The following TTLL11 variants were observed in gnomAD, a reference collection of about 807,000 sequenced individuals.
TTLL11 encodes the protein tubulin polyglutamylase TTLL11.
Under a neutral mutation model 51.7 loss-of-function variants are expected in TTLL11, and 42 were observed. The observed-to-expected ratio is 0.81, with a 90% CI of 0.64 to 1.05. The LOEUF (loss-of-function observed/expected upper bound fraction) is 1.05, where lower values mean the gene tolerates loss of function less well. TTLL11 is among the 50% of genes least tolerant of loss of function. The probability of loss-of-function intolerance (pLI) is 0.00; values close to 1 mark genes in which losing one functional copy is unlikely to be tolerated. For synonymous variants in TTLL11, 381 were observed against 383.5 expected (o/e 0.99, Z 0.08); for missense variants, 799 against 940.4 (o/e 0.85, Z 1.97).
chr9:122,049,996 A>C (rs2131846332), intron 1 of TTLL11, among the ~76,000 whole-genome samples: 1 of 152,276 alleles, frequency 6.6e-6, no homozygotes, highest in South Asian at 2.1e-4. Context: ...AAGTACTCAA[A>C]GGAAACACAG....
At position 121,816,688 on chromosome 9, in the gene TTLL11, C is replaced by A. The variant is rs1836421265; in HGVS notation, c.*5899G>T. ...TGTGCGTGTGTGCATGCGTGTGCAT[C>A]GTGTGTGCGTGCGTGTGTGTGCATG... is the stretch of plus-strand genomic sequence containing the variant. On this transcript the variant is annotated 3_prime_UTR_variant, in exon 9 of 9. Coordinates refer to ENST00000321582, the MANE Select transcript of TTLL11 (RefSeq NM_001139442.2). 1 of 147,246 alleles carries A rather than the reference C, an allele frequency of 6.8e-6. No homozygotes were observed. The highest frequency in any genetic ancestry group is 6.8e-5 in the Admixed American group (1 of 14,768). The allele number at this position is 147,246 out of a possible 1,614,324, so 9.1% of individuals were successfully genotyped here.
chr9:122,056,004 AG>A, intron 1 of TTLL11, among the ~76,000 whole-genome samples: 1 of 152,212 alleles, frequency 6.6e-6, no homozygotes, highest in Non-Finnish European at 1.5e-5. Context: ...GACCTCTTCA[AG>A]CCTATTTCCC....
intron 1 of TTLL11, among the ~76,000 whole-genome samples, chr9:122,086,254 G>C (rs1468161525): frequency 6.6e-6 from 1 of 152,198 alleles, no homozygotes; most frequent in East Asian, 1.9e-4. Context: ...AGTTGGTGTG[G>C]ATTCATGAAG....
chr9:121,872,609 G>T (rs1838395338), intron 6 of TTLL11, among the ~76,000 whole-genome samples: 1 of 152,152 alleles, frequency 6.6e-6, no homozygotes. Flanking sequence ...TGTACGAACG[G>T]TCCTCTCTTC....
intron 8 of TTLL11, among the ~76,000 whole-genome samples, chr9:121,859,344 A>G (rs1461503661): frequency 2.9e-5 from 4 of 137,376 alleles, no homozygotes; most frequent in Non-Finnish European, 4.8e-5. Flanking sequence ...AAAAAAAAAA[A>G]TACAAAATTA....
intron 1 of TTLL11, among the ~76,000 whole-genome samples, chr9:122,074,043 C>A (rs1730639141): frequency 1.3e-5 from 2 of 152,104 alleles, no homozygotes; most frequent in Admixed American, 6.5e-5. Flanking sequence ...GAGGCTGAGG[C>A]AGGTGGATCA....
chr9:121,899,779 A>G lies in TTLL11; in HGVS notation c.1482-29031T>C, dbSNP rs111256236. 3.1e-3 allele frequency among the ~76,000 whole-genome samples: 466 copies of G among 152,284 alleles called. 3 individuals are homozygous for G. Among genetic ancestry groups the G allele is most frequent in the African/African-American group, 0.011 (446 of 41,558 alleles). On this transcript the variant is annotated intron_variant, in intron 6 of 8. Coordinates refer to ENST00000321582, the MANE Select transcript of TTLL11 (RefSeq NM_001139442.2). ...CCACCACCACTAGAACGTAAGCTCC[A>G]TGACATTTGGGTTTTTGTCTGTTTC...
intron 6 of TTLL11, among the ~76,000 whole-genome samples, chr9:121,877,107 G>T (rs995591718): frequency 6.6e-6 from 1 of 152,210 alleles, no homozygotes; most frequent in African/African-American, 2.4e-5. Flanking sequence ...CAGTGGTGCC[G>T]CATGGCAAAG....
intron 6 of TTLL11, among the ~76,000 whole-genome samples, chr9:121,889,352 C>CT (rs940448761): frequency 6.6e-6 from 1 of 152,132 alleles, no homozygotes; most frequent in Non-Finnish European, 1.5e-5. Context: ...ACTTGGAATA[C>CT]TTTTTTAATT....
chr9:121,820,332 A>C lies in TTLL11; in HGVS notation c.*2255T>G, dbSNP rs1352446145. ...ATGGTGTCACGTGAGAGCTTTGTTA[A>C]GACTTCTGGTGGCTCCCAGCTGATG... is the stretch of plus-strand genomic sequence containing the variant. On this transcript the variant is annotated 3_prime_UTR_variant, in exon 9 of 9. Coordinates refer to ENST00000321582, the MANE Select transcript of TTLL11 (RefSeq NM_001139442.2). Among the ~76,000 whole-genome samples, 5 of 152,218 alleles carry C rather than the reference A, an allele frequency of 3.3e-5. No homozygotes were observed. Among genetic ancestry groups the C allele is most frequent in the Middle Eastern group, 3.2e-3 (1 of 316 alleles).
chr9:122,036,280 C>T (rs1844700102), intron 2 of TTLL11, among the ~76,000 whole-genome samples: 1 of 151,960 alleles, frequency 6.6e-6, no homozygotes, highest in Non-Finnish European at 1.5e-5. Flanking sequence ...CCCTCTCCAG[C>T]AGAAAGCCCC....
At chr9:121,967,437 C>T (rs1279666699) in intron 6 of TTLL11, among the ~76,000 whole-genome samples, 1 of 152,064 alleles carries the variant, frequency 6.6e-6, no homozygotes, top group East Asian at 1.9e-4. Flanking sequence ...GTTGGCCAGG[C>T]TGGTCTCGAA....
At chr9:122,002,790 A>G (rs564677247) in intron 3 of TTLL11, among the ~76,000 whole-genome samples, 3 of 152,034 alleles carry the variant, frequency 2.0e-5, no homozygotes, top group African/African-American at 7.2e-5. Context: ...TACTAAAACT[A>G]CAAAAATTAG....
Position 122,056,344 on chromosome 9 carries a change from C to T in TTLL11, c.463-16976G>A, listed in dbSNP as rs118020742. Among the ~76,000 whole-genome samples the T allele has an allele frequency of 2.3e-3, 356 of 152,210 alleles. 6 individuals are homozygous for T. The East Asian group carries it at 0.055, about 24-fold the overall frequency. Reference sequence around the variant, plus strand: ...ATTTCTGTAATAATAATGAAAATGGCTACTATTTATGTGCTGTGTATATTA... The same window carrying T: ...ATTTCTGTAATAATAATGAAAATGGTTACTATTTATGTGCTGTGTATATTA... On this transcript the variant is annotated intron_variant, in intron 1 of 8. Coordinates refer to ENST00000321582, the MANE Select transcript of TTLL11 (RefSeq NM_001139442.2).
intron 1 of TTLL11, among the ~76,000 whole-genome samples, chr9:122,052,021 A>C (rs375497768): frequency 2.0e-5 from 3 of 152,230 alleles, no homozygotes; most frequent in Admixed American, 6.5e-5. Flanking sequence ...GAGTGGACAA[A>C]AAAAAACTAT....
At chr9:121,888,701 G>A (rs1163123506) in intron 6 of TTLL11, among the ~76,000 whole-genome samples, 1 of 152,200 alleles carries the variant, frequency 6.6e-6, no homozygotes, top group African/African-American at 2.4e-5. Context: ...CGAGCAGGGG[G>A]GTGCTATTTC....
chr9:121,928,888 C>T (rs1001604375), intron 6 of TTLL11, among the ~76,000 whole-genome samples: 1 of 152,138 alleles, frequency 6.6e-6, no homozygotes, highest in African/African-American at 2.4e-5. Context: ...TGTAAAAATG[C>T]TATTCATTTA....
intron 1 of TTLL11, among the ~76,000 whole-genome samples, chr9:122,070,651 G>A (rs1388999159): frequency 6.6e-6 from 1 of 152,138 alleles, no homozygotes; most frequent in Non-Finnish European, 1.5e-5. Context: ...TGTCTCTGAG[G>A]GGACAGAGGA....
Position 122,004,785 on chromosome 9 carries a change from C to T in TTLL11, c.694-15015G>A, listed in dbSNP as rs187233206. ...GGGCCCAAGTCTTTCCATGACACCA[C>T]GTTGGCGGAGGCCATGGGGCAGTGA... On this transcript the variant is annotated intron_variant, in intron 3 of 8. Transcript: ENST00000321582. 3.3e-4 allele frequency among the ~76,000 whole-genome samples: 50 copies of T among 152,350 alleles called. 1 individual carries two copies. The highest frequency in any genetic ancestry group is 2.3e-3 in the East Asian group (12 of 5,184).
Sources: allele counts gnomAD v4.1 joint callset (sites outside exome capture counted in the v4.1 genomes callset), GRCh38; gene constraint gnomAD v4.1.1; transcripts MANE v1.5; gene names NCBI Gene and HGNC (gene_info 2026-07-23, HGNC 2026-07-21).